The following MSI2 variants were observed in gnomAD, a reference collection of about 807,000 sequenced individuals.
The protein encoded by MSI2 is musashi RNA binding protein 2.
Under a neutral mutation model 45.6 loss-of-function variants are expected in MSI2, and 17 were observed. The ratio of observed to expected loss-of-function variants is 0.37; its 90% CI spans 0.26 to 0.56. MSI2 has a LOEUF of 0.56. Among genes scored for constraint, MSI2 ranks in the 20% least tolerant of loss-of-function variants. The pLI, the probability that MSI2 is intolerant of heterozygous loss-of-function variation, is 0.77. For synonymous variants in MSI2, 156 were observed against 158.2 expected (o/e 0.99, Z 0.11); for missense variants, 293 against 444.2 (o/e 0.66, Z 3.06).
chr17:57,423,330 A>G (rs1248500830), intron 6 of MSI2, among the ~76,000 whole-genome samples: 1 of 152,240 alleles, frequency 6.6e-6, no homozygotes, highest in African/African-American at 2.4e-5. Context: ...GGCCACACAC[A>G]GTAATAGAAG....
intron 11 of MSI2, among the ~76,000 whole-genome samples, chr17:57,667,774 G>A (rs1310550034): frequency 6.6e-6 from 1 of 152,184 alleles, no homozygotes; most frequent in Admixed American, 6.5e-5. Context: ...TACACCATGA[G>A]CAGACAGCAG....
chr17:57,262,176 G>A lies in MSI2; in HGVS notation c.296G>A (p.Arg99His). 3.1e-6 allele frequency: 5 copies of A among 1,613,326 alleles called. No individual in the cohort carries two copies. Among genetic ancestry groups the A allele is most frequent in the Non-Finnish European group, 4.2e-6 (5 of 1,179,756 alleles). Residue 99 changes from arginine (R) to histidine (H), a missense_variant, in exon 5 of 14, where the codon CGT (arginine) becomes CAT (histidine). By Grantham distance (29) the Arg-to-His change is conservative (BLOSUM62 0). Transcript: ENST00000284073. ...KTIDPKVAFP[R>H]RAQPKMVTRT... The stretch of plus-strand genomic sequence containing the variant: ...ATTGACCCCAAAGTTGCATTTCCTC[G>A]TCGAGCGCAACCCAAGGTAAGTAGG...
intron 5 of MSI2, among the ~76,000 whole-genome samples, chr17:57,309,159 A>G (rs941548614): frequency 1.3e-5 from 2 of 152,276 alleles, no homozygotes; most frequent in East Asian, 3.8e-4. Flanking sequence ...TTAATAAGTG[A>G]AAATGCACTG....
At chr17:57,389,917 C>G (rs140331122) in intron 5 of MSI2, among the ~76,000 whole-genome samples, 2 of 152,152 alleles carry the variant, frequency 1.3e-5, no homozygotes, top group African/African-American at 4.8e-5. Context: ...CTCTTCACCC[C>G]TCATGCTCAG....
chr17:57,583,480 C>G (rs2088257690), intron 7 of MSI2, among the ~76,000 whole-genome samples: 2 of 115,708 alleles, frequency 1.7e-5, no homozygotes, highest in Admixed American at 2.0e-4. Flanking sequence ...TTCCTTCTCC[C>G]AATGTTTCTT....
Position 57,627,469 on chromosome 17 carries a change from C to A in MSI2, c.727+166C>A. On this transcript the variant is annotated intron_variant, in intron 10 of 13. Transcript: ENST00000284073. This position sits in a 1 kb window ranked among gnomAD's most constrained non-coding sequence, Gnocchi z 4.6. ...ACTGAAGTTCAAGGCCAGGATGCAG[C>A]TCAGAGTTTTTGATTAACTCAGGTA... The A allele has an allele frequency of 1.5e-6, 1 of 660,244 alleles. No individual in the cohort carries two copies. The highest frequency in any genetic ancestry group is 2.7e-6 in the Non-Finnish European group (1 of 371,280). 40.9% of individuals were successfully genotyped at this position (660,244 alleles called of 1,614,324 possible).
intron 11 of MSI2, among the ~76,000 whole-genome samples, chr17:57,673,586 A>G (rs1182587977): frequency 6.6e-6 from 1 of 152,276 alleles, no homozygotes; most frequent in Non-Finnish European, 1.5e-5. Context: ...AATTAAAAAA[A>G]TATTGTTTTC....
intron 6 of MSI2, among the ~76,000 whole-genome samples, chr17:57,446,745 A>G (rs1205888728): frequency 6.6e-6 from 1 of 152,226 alleles, no homozygotes; most frequent in Non-Finnish European, 1.5e-5. Flanking sequence ...AGGGGCTCTG[A>G]AGGATGAGTG....
Position 57,395,063 on chromosome 17 carries a change from G to A in MSI2, c.313-6316G>A, listed in dbSNP as rs150530870. On this transcript the variant is annotated intron_variant, in intron 5 of 13. Coordinates refer to ENST00000284073, the MANE Select transcript of MSI2 (RefSeq NM_138962.4). The stretch of plus-strand genomic sequence containing the variant: ...TCCCATACCTCTCTCCTAGCTTCTG[G>A]TGGTTGCCCGCAATTCTTGGTGTTC... Among the ~76,000 whole-genome samples the A allele has an allele frequency of 3.5e-4, 53 of 152,278 alleles. 1 individual carries two copies. The highest frequency in any genetic ancestry group is 1.2e-3 in the African/African-American group (48 of 41,564).
intron 7 of MSI2, among the ~76,000 whole-genome samples, chr17:57,550,455 G>A (rs1265552419): frequency 6.6e-6 from 1 of 152,210 alleles, no homozygotes; most frequent in East Asian, 1.9e-4. Context: ...CTATATGCAA[G>A]CTGTTCCTCA....
chr17:57,298,858 A>G (rs1156806041), intron 5 of MSI2, among the ~76,000 whole-genome samples: 1 of 152,176 alleles, frequency 6.6e-6, no homozygotes, highest in Admixed American at 6.5e-5. Flanking sequence ...GAAGCCAGCC[A>G]TTGGCTTCTC....
intron 7 of MSI2, among the ~76,000 whole-genome samples, chr17:57,593,953 C>T (rs997163830): frequency 9.9e-5 from 15 of 152,226 alleles, no homozygotes; most frequent in African/African-American, 1.2e-4. Flanking sequence ...TTGATCTCCA[C>T]GTCCTTCACA....
intron 5 of MSI2, among the ~76,000 whole-genome samples, chr17:57,353,792 A>G (rs1014208770): frequency 6.6e-6 from 1 of 152,164 alleles, no homozygotes; most frequent in Non-Finnish European, 1.5e-5. Context: ...TGGATGGTGC[A>G]GGGGTTGGAC....
chr17:57,338,547 C>A (rs1355221909), intron 5 of MSI2, among the ~76,000 whole-genome samples: 1 of 152,188 alleles, frequency 6.6e-6, no homozygotes, highest in African/African-American at 2.4e-5. Flanking sequence ...GCAGGCCCCA[C>A]GCAGACTTGT....
rs945949338 is a variant in MSI2, at chr17:57,681,339, T to G, written c.*1822T>G. ...AAACATATTGTAGTGTGGATATATA[T>G]TTTTTCTTTTTTAAAATGTGATATT... On this transcript the variant is annotated 3_prime_UTR_variant, in exon 14 of 14. Coordinates refer to ENST00000284073, the MANE Select transcript of MSI2 (RefSeq NM_138962.4). 2.2e-5 allele frequency: 4 copies of G among 180,496 alleles called. No individual in the cohort carries two copies. The allele number at this position is 180,496 out of a possible 1,614,324, so 11.2% of individuals were successfully genotyped here.
At chr17:57,410,819 C>G (rs2084182706) in intron 6 of MSI2, among the ~76,000 whole-genome samples, 1 of 151,948 alleles carries the variant, frequency 6.6e-6, no homozygotes. Context: ...GTGTTTTTCA[C>G]TTAAGGAAAA....
intron 6 of MSI2, among the ~76,000 whole-genome samples, chr17:57,503,650 C>A (rs1054745428): frequency 6.6e-6 from 1 of 152,222 alleles, no homozygotes; most frequent in Non-Finnish European, 1.5e-5. Context: ...AGCAAGTAGT[C>A]ATTGAGTCCT....
intron 5 of MSI2, among the ~76,000 whole-genome samples, chr17:57,331,979 C>A (rs781265915): frequency 6.6e-6 from 1 of 152,068 alleles, no homozygotes; most frequent in African/African-American, 2.4e-5. Context: ...TCATTGTGGT[C>A]TCTTAAACTA....
At chr17:57,412,624 G>T (rs1278565784) in intron 6 of MSI2, among the ~76,000 whole-genome samples, 3 of 152,152 alleles carry the variant, frequency 2.0e-5, no homozygotes, top group Non-Finnish European at 4.4e-5. Context: ...GGCCCAGATG[G>T]TCTCCTAGAA....
Sources: allele counts gnomAD v4.1 joint callset (sites outside exome capture counted in the v4.1 genomes callset), GRCh38; gene constraint gnomAD v4.1.1; non-coding constraint Gnocchi (gnomAD v3.1); transcripts MANE v1.5; gene names NCBI Gene and HGNC (gene_info 2026-07-23, HGNC 2026-07-21).